ZNF106: variants seen among roughly 807,000 people sequenced by gnomAD.
ZNF106 encodes the protein SH3-domain binding protein 3.
Under a neutral mutation model 195.1 loss-of-function variants are expected in ZNF106, and 67 were observed. That is an observed-to-expected ratio of 0.34 (90% CI 0.28 to 0.42). The LOEUF is 0.42. Ranked by LOEUF, ZNF106 falls within the 10% of genes least tolerant of loss-of-function variation. The pLI is 1.00. For synonymous variants in ZNF106, 784 were observed against 818.6 expected, an observed-to-expected ratio of 0.96 and a Z score of 0.72; for missense variants, 2,118 against 2,304.5, an observed-to-expected ratio of 0.92 and a Z score of 1.66.
At chr15:42,482,320 G>A (rs2056915567) in intron 1 of ZNF106, among the ~76,000 whole-genome samples, 1 of 151,906 alleles carries the variant, frequency 6.6e-6, no homozygotes, top group South Asian at 2.1e-4. Flanking sequence ...TTGAGAATAG[G>A]TTACATTTTC....
At chr15:42,432,965 T>C (rs563895546) in intron 14 of ZNF106, among the ~76,000 whole-genome samples, 2 of 152,332 alleles carry the variant, frequency 1.3e-5, no homozygotes, top group African/African-American at 4.8e-5. Flanking sequence ...CTTTTGATTT[T>C]AGTGTCAGTT....
intron 13 of ZNF106, among the ~76,000 whole-genome samples, chr15:42,435,754 C>T (rs1367445410): frequency 6.6e-6 from 1 of 152,094 alleles, no homozygotes; most frequent in Non-Finnish European, 1.5e-5. Context: ...CCAGAAAATA[C>T]TTATGGCAAC....
intron 3 of ZNF106, chr15:42,457,533 A>T: frequency 9.2e-7 from 1 of 1,089,702 alleles, no homozygotes; most frequent in Non-Finnish European, 1.1e-6. Context: ...AGCTGCACTC[A>T]GAAGGCCTGG....
At position 42,415,884 on chromosome 15, in the gene ZNF106, C is replaced by CATG; in HGVS notation, c.*1419_*1420insCAT. The CATG allele has an allele frequency of 1.3e-5, 2 of 152,698 alleles. No individual in the cohort carries two copies. The highest frequency in any genetic ancestry group is 2.9e-5 in the Non-Finnish European group (2 of 68,580). The allele number at this position is 152,698 out of a possible 1,614,324, so 9.5% of individuals were successfully genotyped here. On this transcript the variant is annotated 3_prime_UTR_variant, in exon 22 of 22. Coordinates refer to ENST00000564754, the MANE Select transcript of ZNF106 (RefSeq NM_001366845.3). Reference sequence around the variant, plus strand: ...TCCTGAGCAGCTGGGATTACAGGCGCCCACCACGCCCGGCTTTTTGTATTT... The same window carrying CATG: ...TCCTGAGCAGCTGGGATTACAGGCGCATGCCACCACGCCCGGCTTTTTGTATTT...
chr15:42,437,473 T>A, intron 12 of ZNF106, 96 bp from the exon 13 acceptor site: 1 of 1,417,186 alleles, frequency 7.1e-7, no homozygotes, highest in Non-Finnish European at 9.5e-7. Context: ...GTCCCTAGAT[T>A]AAACCAAAAG....
intron 9 of ZNF106, among the ~76,000 whole-genome samples, chr15:42,442,752 G>C (rs2055603214): frequency 1.3e-5 from 2 of 151,574 alleles, no homozygotes. Flanking sequence ...AAGCAGCTGG[G>C]ATTATAGGCA....
chr15:42,430,850 C>T (rs55671734), intron 14 of ZNF106, among the ~76,000 whole-genome samples: 10,639 of 151,430 alleles, frequency 0.07, 914 homozygotes, highest in Admixed American at 0.16. Flanking sequence ...TTGTACAAGT[C>T]GCCTAGCTAG....
chr15:42,457,200 T>C (rs995332310), intron 3 of ZNF106, 42 bp from the exon 4 acceptor site: 1 of 1,613,934 alleles, frequency 6.2e-7, no homozygotes, highest in Admixed American at 1.7e-5. Flanking sequence ...TTCTCCCCAC[T>C]GGCATGGCAC....
intron 7 of ZNF106, 46 bp downstream of exon 7, chr15:42,446,543 A>G (rs766409453): frequency 2.5e-5 from 38 of 1,529,788 alleles, no homozygotes; most frequent in Non-Finnish European, 3.2e-5. Context: ...CCCAAAAAAA[A>G]CCAAAAAACA....
chr15:42,438,747 G>A (rs1043505167), intron 11 of ZNF106, 80 bp from the exon 12 acceptor site: 25 of 1,355,176 alleles, frequency 1.8e-5, no homozygotes, highest in Non-Finnish European at 2.6e-5. Context: ...TGACTCAAAG[G>A]ATTTTTCTAA....
At chr15:42,472,698 G>A (rs914418209) in intron 1 of ZNF106, among the ~76,000 whole-genome samples, 9 of 152,108 alleles carry the variant, frequency 5.9e-5, no homozygotes, top group Non-Finnish European at 1.0e-4. Flanking sequence ...AAGATTCTTA[G>A]AATAAGATTC....
intron 1 of ZNF106, among the ~76,000 whole-genome samples, chr15:42,478,453 T>C (rs1287928926): frequency 6.6e-6 from 1 of 151,512 alleles, no homozygotes; most frequent in Admixed American, 6.6e-5. Context: ...TGAGCCACTG[T>C]GCCCAGCCTG....
intron 3 of ZNF106, among the ~76,000 whole-genome samples, chr15:42,465,552 C>A (rs567007730): frequency 3.7e-4 from 56 of 152,270 alleles, no homozygotes; most frequent in African/African-American, 1.3e-3. Flanking sequence ...GTTGGGATTA[C>A]AAGCGTGAGC....
At chr15:42,426,949 A>G (rs964109658) in intron 15 of ZNF106, among the ~76,000 whole-genome samples, 20 of 152,114 alleles carry the variant, frequency 1.3e-4, no homozygotes, top group African/African-American at 4.3e-4. Context: ...AATTCTTCTC[A>G]CTTGATCTTA....
intron 16 of ZNF106, chr15:42,424,571 G>A (rs753543722): frequency 7.8e-6 from 3 of 386,956 alleles, no homozygotes; most frequent in Non-Finnish European, 1.4e-5. Context: ...CTGCAGCCTC[G>A]ATCTTTGGTG....
chr15:42,449,466 G>A (rs1228910728), intron 5 of ZNF106, among the ~76,000 whole-genome samples: 3 of 152,142 alleles, frequency 2.0e-5, no homozygotes, highest in African/African-American at 7.2e-5. Flanking sequence ...TTTTTATGCT[G>A]TCATTTTCTA....
In ZNF106 at chr15:42,451,288, T is replaced by C. The variant is rs1407661865; in HGVS notation, c.984A>G (p.Lys328=). The C allele has an allele frequency of 1.9e-6, 3 of 1,614,060 alleles. No homozygotes were observed. In the African/African-American group the frequency reaches 4.0e-5, roughly 22 times the overall value. ...AGTCGAGTAAGCCTTCTGAAGGAAA[T>C]TTATCACTTGTAAATCCTTCAGAAG... ...RGPSEGFTSD[K]FPSEGLLDFN... Residue 328 remains lysine, a synonymous_variant, in exon 5 of 22, where the codon AAA becomes AAG. Transcript: ENST00000564754.
chr15:42,478,025 G>C (rs1278227236), intron 1 of ZNF106, among the ~76,000 whole-genome samples: 5 of 151,190 alleles, frequency 3.3e-5, no homozygotes, highest in Admixed American at 1.3e-4. Flanking sequence ...TGTTGCCCAG[G>C]CTGGAGTGCA....
chr15:42,419,597 T>C (rs2054583874), intron 20 of ZNF106, among the ~76,000 whole-genome samples: 1 of 152,124 alleles, frequency 6.6e-6, no homozygotes, highest in Non-Finnish European at 1.5e-5. Flanking sequence ...TGTCTTGGCT[T>C]TTCCCTACAG....
Sources: gnomAD v4.1 joint callset for allele counts (sites outside exome capture counted in the v4.1 genomes callset) on GRCh38, gnomAD v4.1.1 for gene constraint, MANE v1.5 for transcripts, NCBI Gene and HGNC (gene_info 2026-07-23, HGNC 2026-07-21) for gene names.